Variants in FRMPD4 observed in about 807,000 individuals in gnomAD.
FRMPD4 encodes the protein FERM and PDZ domain-containing protein 4.
FRMPD4 carries 22 observed loss-of-function variants against 94.1 expected under a neutral mutation model. That is an observed-to-expected ratio of 0.23 (90% confidence interval 0.17 to 0.33). The LOEUF (loss-of-function observed/expected upper bound fraction) is 0.33, where lower values mean the gene tolerates loss of function less well. FRMPD4 is among the 10% of genes least tolerant of loss of function. The pLI is 1.00. For missense variants in FRMPD4, 1,111 were observed against 1,339.9 expected, an observed-to-expected ratio of 0.83 and a Z score of 2.67; for synonymous variants, 631 against 548.6, an observed-to-expected ratio of 1.15 and a Z score of -2.10.
At chrX:12,594,529 G>A (rs1244626421) in intron 2 of FRMPD4, among the ~76,000 whole-genome samples, 6 of 110,310 alleles carry the variant, frequency 5.4e-5, no homozygotes, top group East Asian at 5.6e-4. Context: ...TCCGCCTCCC[G>A]GGTTCACACC....
chrX:12,612,268 C>A (rs2059191388), intron 3 of FRMPD4, among the ~76,000 whole-genome samples: 1 of 111,746 alleles, frequency 8.9e-6, no homozygotes, highest in Admixed American at 9.5e-5. Flanking sequence ...ACTGTTTCTA[C>A]AACCTCTCTC....
intron 3 of FRMPD4, among the ~76,000 whole-genome samples, chrX:12,053,350 GGAAAGAAAGAAGAAAGAAA>G (rs1569149729): frequency 1.6e-5 from 1 of 61,393 alleles, no homozygotes; most frequent in African/African-American, 6.2e-5. Flanking sequence ...AAGAAAGAAA[GGAAAGAAAGAAGAAAGAAA>G]GAAAGAAAGA....
At chrX:12,293,463 T>G (rs1274778188) in intron 1 of FRMPD4, among the ~76,000 whole-genome samples, 2 of 112,914 alleles carry the variant, frequency 1.8e-5, no homozygotes, top group African/African-American at 6.4e-5. Flanking sequence ...CTTTCTACAT[T>G]TAATTTATTC....
intron 4 of FRMPD4, among the ~76,000 whole-genome samples, chrX:12,619,789 C>T (rs1468324688): frequency 1.8e-5 from 2 of 111,786 alleles, no homozygotes; most frequent in East Asian, 5.6e-4. Context: ...CGAGCAGTCC[C>T]ACCTGTCCTG....
At chrX:11,929,542 G>T (rs948546438) in intron 3 of FRMPD4, among the ~76,000 whole-genome samples, 10 of 112,186 alleles carry the variant, frequency 8.9e-5, no homozygotes, top group African/African-American at 2.6e-4. Context: ...AAATGTCAAT[G>T]ATCTTCCTGA....
intron 5 of FRMPD4, among the ~76,000 whole-genome samples, chrX:12,679,789 G>A (rs1360965303): frequency 8.9e-6 from 1 of 111,948 alleles, no homozygotes; most frequent in Non-Finnish European, 1.9e-5. Context: ...TTCCCAGCAG[G>A]AGTAAGCTCC....
At chrX:12,186,543 A>G (rs2056426859) in intron 1 of FRMPD4, among the ~76,000 whole-genome samples, 2 of 111,494 alleles carry the variant, frequency 1.8e-5, no homozygotes, top group South Asian at 3.8e-4. Context: ...TTATGACGAC[A>G]ACATCAATAT....
At chrX:11,973,179 G>A (rs1039677668) in intron 3 of FRMPD4, among the ~76,000 whole-genome samples, 11 of 112,365 alleles carry the variant, frequency 9.8e-5, no homozygotes, top group Admixed American at 9.4e-5. Context: ...CATCTCTTTT[G>A]TTGAAAGAAA....
At chrX:11,893,290 A>G (rs763025321) in intron 3 of FRMPD4, among the ~76,000 whole-genome samples, 8 of 112,032 alleles carry the variant, frequency 7.1e-5, no homozygotes, top group Admixed American at 4.8e-4. Flanking sequence ...CTTAAGGAAT[A>G]CTAGCCAAGA....
At chrX:12,349,286 T>TC (rs746963024) in intron 1 of FRMPD4, among the ~76,000 whole-genome samples, 1 of 110,352 alleles carries the variant, frequency 9.1e-6, no homozygotes, top group African/African-American at 3.3e-5. Flanking sequence ...TGCACAGATC[T>TC]CCCCCACAAA....
At chrX:12,285,536 G>A (rs1389035906) in intron 1 of FRMPD4, among the ~76,000 whole-genome samples, 2 of 111,240 alleles carry the variant, frequency 1.8e-5, no homozygotes, top group Non-Finnish European at 3.8e-5. Context: ...GGGAAACTCA[G>A]GCAGGTAATT....
At chrX:12,510,308 A>T in intron 2 of FRMPD4, among the ~76,000 whole-genome samples, 1 of 112,360 alleles carries the variant, frequency 8.9e-6, no homozygotes, top group East Asian at 2.8e-4. Context: ...TAAAATGTGG[A>T]CTTTAGTTAA....
chrX:12,347,157 A>G (rs952653723), intron 1 of FRMPD4, among the ~76,000 whole-genome samples: 1 of 111,977 alleles, frequency 8.9e-6, no homozygotes, highest in African/African-American at 3.2e-5. Context: ...AATATTTTAT[A>G]TATTTAATAT....
At chrX:12,660,619 T>C (rs1378151297) in intron 4 of FRMPD4, among the ~76,000 whole-genome samples, 3 of 112,720 alleles carry the variant, frequency 2.7e-5, no homozygotes, top group Non-Finnish European at 5.6e-5. Flanking sequence ...TTTAAATAAC[T>C]GTTTCTTTAA....
intron 1 of FRMPD4, among the ~76,000 whole-genome samples, chrX:12,370,057 C>T (rs1272275562): frequency 3.6e-5 from 4 of 112,128 alleles, no homozygotes; most frequent in African/African-American, 1.3e-4. Context: ...AATGCTCTTT[C>T]ATTTATCATA....
chrX:11,917,886 TAAA>T (rs72064228), intron 3 of FRMPD4, among the ~76,000 whole-genome samples: 5 of 86,193 alleles, frequency 5.8e-5, no homozygotes, highest in African/African-American at 1.3e-4. Context: ...CCCGTGAATC[TAAA>T]AAAAAAAAAA....
rs185363813 is a variant in FRMPD4 at position 12,688,835 on chromosome X, G to A, written c.682-1360G>A. On this transcript the variant is annotated intron_variant, in intron 7 of 16. Coordinates refer to ENST00000675598, the MANE Select transcript of FRMPD4 (RefSeq NM_001368397.1). Reference sequence around the variant, plus strand: ...GGAGTGGGTGGATGTGGGGATCTTTGATTTAATGGGGCCTGAAGAAATTGA... The same window carrying A: ...GGAGTGGGTGGATGTGGGGATCTTTAATTTAATGGGGCCTGAAGAAATTGA... Among the ~76,000 whole-genome samples the A allele has an allele frequency of 3.2e-3, 327 of 102,392 alleles. 2 individuals carry two copies. Among genetic ancestry groups the A allele is most frequent in the African/African-American group, 0.011 (308 of 27,586 alleles). 88.9% of individuals were successfully genotyped at this position (102,392 alleles called of 115,157 possible). A position where few individuals can be genotyped will look rare whatever the true frequency, so the allele number is the denominator to read the frequency against.
chrX:12,569,674 T>C (rs1423045666), intron 2 of FRMPD4, among the ~76,000 whole-genome samples: 1 of 112,733 alleles, frequency 8.9e-6, no homozygotes, highest in African/African-American at 3.2e-5. Context: ...TTTCTTTCAG[T>C]CTAGTTACAC....
chrX:12,094,560 G>C (rs1464814438), intron 3 of FRMPD4, among the ~76,000 whole-genome samples: 1 of 112,169 alleles, frequency 8.9e-6, no homozygotes, highest in Non-Finnish European at 1.9e-5. Context: ...GCCGTGTCCA[G>C]CTCATCTGTT....
Sources: gnomAD v4.1 joint callset for allele counts (sites outside exome capture counted in the v4.1 genomes callset) on GRCh38, gnomAD v4.1.1 for gene constraint, MANE v1.5 for transcripts, NCBI Gene and HGNC (gene_info 2026-07-23, HGNC 2026-07-21) for gene names.